The following PUM2 variants were observed in gnomAD, a reference collection of about 807,000 sequenced individuals.
The protein encoded by PUM2 is pumilio homolog 2.
PUM2 carries 57 observed loss-of-function variants against 124.5 expected under a neutral mutation model. The ratio of observed to expected loss-of-function variants is 0.46; its 90% CI spans 0.37 to 0.57. PUM2 has a LOEUF of 0.57. PUM2 is among the 20% of genes least tolerant of loss of function. PUM2 has a pLI of 0.00. For missense variants in PUM2, 1,065 were observed against 1,290.6 expected (o/e 0.83, Z 2.68); for synonymous variants, 460 against 446.1 (o/e 1.03, Z -0.39).
At chr2:20,331,187 A>G (rs1386543419) in intron 1 of PUM2, among the ~76,000 whole-genome samples, 1 of 151,080 alleles carries the variant, frequency 6.6e-6, no homozygotes, top group African/African-American at 2.4e-5. Flanking sequence ...AGGGTAGGGG[A>G]TGAGAAATGG....
At chr2:20,293,649 A>C (rs1456767841) in intron 9 of PUM2, among the ~76,000 whole-genome samples, 1 of 152,212 alleles carries the variant, frequency 6.6e-6, no homozygotes, top group Non-Finnish European at 1.5e-5. Flanking sequence ...TGGAAGTTGC[A>C]GTGAGCCAAG....
intron 12 of PUM2, among the ~76,000 whole-genome samples, chr2:20,279,920 C>T (rs1671109532): frequency 2.0e-5 from 3 of 152,142 alleles, no homozygotes; most frequent in African/African-American, 7.2e-5. Context: ...ACTTTTACAT[C>T]TAAGAAAATT....
intron 10 of PUM2, among the ~76,000 whole-genome samples, chr2:20,284,270 G>A (rs1162397066): frequency 6.6e-6 from 1 of 152,136 alleles, no homozygotes; most frequent in Non-Finnish European, 1.5e-5. Flanking sequence ...TTCTTTTCTG[G>A]AACTCAGTTT....
Position 20,312,217 on chromosome 2 carries a change from C to T in PUM2, c.348+19G>A, listed in dbSNP as rs1340024300. ...ACTCTCAAGCAAATATTAAATATTT[C>T]TTTATTCAAAATACTTACAAAATTT... On this transcript the variant is annotated intron_variant, in intron 4 of 20. Coordinates refer to ENST00000361078, the MANE Select transcript of PUM2 (RefSeq NM_015317.5). 6.5e-7 allele frequency: 1 copy of T among 1,539,550 alleles called. No homozygotes were observed. Among genetic ancestry groups the T allele is most frequent in the Non-Finnish European group, 8.9e-7 (1 of 1,127,200 alleles).
chr2:20,271,364 A>C (rs1668969463), intron 13 of PUM2, among the ~76,000 whole-genome samples: 1 of 152,100 alleles, frequency 6.6e-6, no homozygotes. Context: ...CCCAGGCTGG[A>C]ATGCAGTGGC....
At chr2:20,312,495 C>G in intron 3 of PUM2, 72 bp from the exon 4 acceptor site, 1 of 1,344,262 alleles carries the variant, frequency 7.4e-7, no homozygotes, top group Non-Finnish European at 1.0e-6. Flanking sequence ...AATTAATATA[C>G]TGAAGTAAGA....
At chr2:20,290,631 C>T (rs1280298717) in intron 10 of PUM2, 21 bp downstream of exon 10, 4 of 1,585,128 alleles carry the variant, frequency 2.5e-6, no homozygotes, top group Non-Finnish European at 3.4e-6. Flanking sequence ...TTCAAATTTC[C>T]ACAAATGACC....
Position 20,282,997 on chromosome 2 carries a change from T to G in PUM2, c.1670A>C (p.Asn557Thr), listed in dbSNP as rs374142156. 3.1e-6 allele frequency: 5 copies of G among 1,613,922 alleles called. No individual in the cohort carries two copies. The East Asian group carries it at 1.1e-4, about 36-fold the overall frequency. The change falls in exon 12 of 21, where the codon AAC becomes ACC. Residue 557 changes from asparagine (N) to threonine (T), a missense_variant. By Grantham distance (65) the Asn-to-Thr change is moderately conservative. Coordinates refer to ENST00000361078, the MANE Select transcript of PUM2 (RefSeq NM_015317.5). The stretch of plus-strand genomic sequence containing the variant: ...TGAGCCTATAGCAGCACCCAAAGAG[T>G]TACCACTTCCAAAGCCAAGAGATGT... ...GSTSLGFGSGNSLGAAIGSAL... is the reference protein window; with the variant it reads ...GSTSLGFGSGTSLGAAIGSAL...
intron 8 of PUM2, among the ~76,000 whole-genome samples, chr2:20,295,898 T>C (rs1675414431): frequency 6.6e-6 from 1 of 152,226 alleles, no homozygotes; most frequent in African/African-American, 2.4e-5. Context: ...CACATTGTAT[T>C]TCTACTGGAC....
At chr2:20,332,999 T>C (rs1313424725) in intron 1 of PUM2, 1 of 152,212 alleles carries the variant, frequency 6.6e-6, no homozygotes, top group African/African-American at 2.4e-5. Context: ...AACTTTTCTT[T>C]GGCCAAGACC....
chr2:20,319,638 G>C (rs897900832), intron 2 of PUM2, among the ~76,000 whole-genome samples: 2 of 152,176 alleles, frequency 1.3e-5, no homozygotes. Context: ...TAAGATGTGT[G>C]TGTTTGTGTG....
intron 17 of PUM2, among the ~76,000 whole-genome samples, 197 bp downstream of exon 17, chr2:20,255,832 CTATT>C (rs1270356424): frequency 6.6e-6 from 1 of 152,100 alleles, no homozygotes; most frequent in Non-Finnish European, 1.5e-5. Context: ...TGTGATTAAA[CTATT>C]TGTTTTGCAG....
intron 1 of PUM2, chr2:20,350,380 G>A (rs1305377443): frequency 1.3e-6 from 1 of 773,230 alleles, no homozygotes; most frequent in Non-Finnish European, 1.6e-6. Context: ...AGCGGCCGGC[G>A]CGGCGCCCCC....
intron 14 of PUM2, among the ~76,000 whole-genome samples, chr2:20,261,985 T>C (rs2148549337): frequency 6.6e-6 from 1 of 152,198 alleles, no homozygotes; most frequent in Admixed American, 6.5e-5. Context: ...GTCCCAGCTA[T>C]TCGGGATGCT....
At chr2:20,351,233 C>T (rs1028350331), upstream of PUM2, among the ~76,000 whole-genome samples, 1 of 152,226 alleles carries the variant, frequency 6.6e-6, no homozygotes, top group East Asian at 1.9e-4. Flanking sequence ...GTGTCTGCGC[C>T]CGCGCCGCCC....
chr2:20,262,785 A>T (rs1279170594), intron 14 of PUM2, among the ~76,000 whole-genome samples: 1 of 152,218 alleles, frequency 6.6e-6, no homozygotes, highest in East Asian at 1.9e-4. Context: ...CCTATAACAA[A>T]TGTGAAATGT....
At chr2:20,324,934 G>A (rs1683310670) in intron 2 of PUM2, among the ~76,000 whole-genome samples, 1 of 129,974 alleles carries the variant, frequency 7.7e-6, no homozygotes, top group African/African-American at 2.8e-5. Context: ...AAACCGTTTT[G>A]CATTAAAAAA....
chr2:20,309,217 G>A lies in PUM2; in HGVS notation c.519-633C>T, dbSNP rs141894424. 4.4e-3 allele frequency among the ~76,000 whole-genome samples: 669 copies of A among 152,118 alleles called. 5 individuals are homozygous for A. The highest frequency in any genetic ancestry group is 0.015 in the African/African-American group (630 of 41,504). ...AGCAAGTCATGTCATCTTTCAAGCT[G>A]CAGTCTTCTTATTGAGGAGACTTAA... On this transcript the variant is annotated intron_variant, in intron 5 of 20. Coordinates refer to ENST00000361078, the MANE Select transcript of PUM2 (RefSeq NM_015317.5).
chr2:20,295,605 A>C (rs1025319563), intron 8 of PUM2, among the ~76,000 whole-genome samples: 2 of 152,180 alleles, frequency 1.3e-5, no homozygotes, highest in African/African-American at 2.4e-5. Flanking sequence ...GTACACCGTA[A>C]AAATAAAACA....
Sources: allele counts gnomAD v4.1 joint callset (sites outside exome capture counted in the v4.1 genomes callset), GRCh38; gene constraint gnomAD v4.1.1; transcripts MANE v1.5; gene names NCBI Gene and HGNC (gene_info 2026-07-23, HGNC 2026-07-21).